SGCD: variants seen among roughly 807,000 people sequenced by gnomAD.
SGCD encodes delta-sarcoglycan.
A neutral mutation model predicts 36.6 loss-of-function variants in SGCD; 18 were observed. The ratio of observed to expected loss-of-function variants is 0.49; its 90% confidence interval spans 0.34 to 0.73. SGCD has a LOEUF of 0.73. SGCD is among the 30% of genes least tolerant of loss of function. The pLI is 0.01. For synonymous variants in SGCD, 133 were observed against 130.6 expected (o/e 1.02, Z -0.12); for missense variants, 387 against 346.7 (o/e 1.12, Z -0.92).
intron 4 of SGCD, among the ~76,000 whole-genome samples, chr5:156,580,982 C>T (rs968291694): frequency 6.6e-6 from 1 of 152,148 alleles, no homozygotes; most frequent in South Asian, 2.1e-4. Context: ...AGAAGAGGTG[C>T]TCTGATTTTT....
intron 3 of SGCD, among the ~76,000 whole-genome samples, chr5:156,293,131 G>A (rs10054153): frequency 0.094 from 14,217 of 151,732 alleles, 1,962 homozygotes; most frequent in African/African-American, 0.3. Context: ...TATTCAGAAG[G>A]CATGATGATC....
At chr5:156,568,934 A>G (rs1282329878) in intron 4 of SGCD, among the ~76,000 whole-genome samples, 2 of 152,230 alleles carry the variant, frequency 1.3e-5, no homozygotes, top group Non-Finnish European at 2.9e-5. Flanking sequence ...AATCATTATT[A>G]TGTATGTACA....
At chr5:155,871,030 T>A (rs886305243) in intron 1 of SGCD, among the ~76,000 whole-genome samples, 2 of 152,144 alleles carry the variant, frequency 1.3e-5, no homozygotes, top group South Asian at 4.1e-4. Context: ...GTGTATCATA[T>A]GATTGATTTC....
chr5:156,241,236 G>A (rs1022434842), intron 3 of SGCD, among the ~76,000 whole-genome samples: 4 of 147,960 alleles, frequency 2.7e-5, no homozygotes, highest in Non-Finnish European at 5.9e-5. Context: ...ACTGGCCTTG[G>A]AAATTAGACC....
intron 7 of SGCD, among the ~76,000 whole-genome samples, chr5:156,654,652 A>G (rs1763604271): frequency 6.6e-6 from 1 of 152,156 alleles, no homozygotes; most frequent in Non-Finnish European, 1.5e-5. Flanking sequence ...TAATATCCCT[A>G]TGTGGCCTTG....
the SGCD span, among the ~76,000 whole-genome samples, chr5:155,850,772 T>C: frequency 6.6e-6 from 1 of 152,180 alleles, no homozygotes; most frequent in Non-Finnish European, 1.5e-5. Flanking sequence ...TTCTCTTTCT[T>C]TTCACAAAGA....
intron 3 of SGCD, among the ~76,000 whole-genome samples, chr5:156,307,881 T>A (rs924096572): frequency 2.8e-4 from 43 of 151,700 alleles, no homozygotes; most frequent in African/African-American, 1.0e-3. Context: ...ACTGATAATC[T>A]TTTAATGCGT....
At chr5:155,889,814 C>T (rs1172932479) in intron 1 of SGCD, among the ~76,000 whole-genome samples, 2 of 152,136 alleles carry the variant, frequency 1.3e-5, no homozygotes, top group East Asian at 3.9e-4. Context: ...GTGACTGTGC[C>T]GCATCTCATG....
intron 1 of SGCD, among the ~76,000 whole-genome samples, chr5:156,047,919 C>G (rs935699057): frequency 2.0e-5 from 3 of 151,906 alleles, no homozygotes; most frequent in Non-Finnish European, 4.4e-5. Flanking sequence ...GTGTGCTGCA[C>G]CATTAACTCG....
intron 1 of SGCD, among the ~76,000 whole-genome samples, chr5:156,110,540 G>A (rs373627110): frequency 2.6e-5 from 4 of 151,166 alleles, no homozygotes; most frequent in African/African-American, 7.3e-5. Context: ...GGGTTCTCGG[G>A]GACTGTATAG....
intron 4 of SGCD, among the ~76,000 whole-genome samples, chr5:156,567,186 A>T (rs1179195351): frequency 2.0e-5 from 3 of 152,082 alleles, no homozygotes; most frequent in African/African-American, 7.2e-5. Flanking sequence ...ATATGAAATA[A>T]TTCTTTAGTA....
chr5:156,528,535 A>G (rs1330761570), intron 4 of SGCD, among the ~76,000 whole-genome samples: 2 of 152,178 alleles, frequency 1.3e-5, no homozygotes, highest in African/African-American at 4.8e-5. Flanking sequence ...TTGGAGAGAC[A>G]AACATCTCTT....
chr5:155,855,513 G>A, the SGCD span, among the ~76,000 whole-genome samples: 1 of 152,046 alleles, frequency 6.6e-6, no homozygotes, highest in African/African-American at 2.4e-5. Flanking sequence ...AAACTAAGCT[G>A]GTTATTTTTC....
Position 156,444,109 on chromosome 5 carries a change from TCTCTCTCC to T in SGCD, c.193-64490_193-64483del, listed in dbSNP as rs1344614962. 6.2e-4 allele frequency among the ~76,000 whole-genome samples: 60 copies of T among 96,984 alleles called. 1 individual carries two copies. The highest frequency in any genetic ancestry group is 3.3e-3 in the African/African-American group (55 of 16,646). 63.6% of individuals were successfully genotyped at this position (96,984 alleles called of 152,430 possible). Reference sequence around the variant, plus strand: ...CTCTCTCTCTCTCTCTCTCTCTCTCTCTCTCTCCCCTTCCCTCTCTCTCTCTCTCCTTC... The same window carrying T: ...CTCTCTCTCTCTCTCTCTCTCTCTCTCCTTCCCTCTCTCTCTCTCTCCTTC... On this transcript the variant is annotated intron_variant, in intron 3 of 8. Transcript: ENST00000337851.
At chr5:156,756,799 A>T (rs918489160) in intron 7 of SGCD, among the ~76,000 whole-genome samples, 1 of 152,046 alleles carries the variant, frequency 6.6e-6, no homozygotes. Flanking sequence ...CACACAAAAC[A>T]TGTTTTCCTT....
In SGCD at chr5:156,764,023, T is replaced by A. The variant is rs1757542755; in HGVS notation, c.*4633T>A. 6.6e-6 allele frequency: 1 copy of A among 152,150 alleles called. No individual in the cohort carries two copies. The highest frequency in any genetic ancestry group is 1.5e-5 in the Non-Finnish European group (1 of 68,022). 9.4% of individuals were successfully genotyped at this position (152,150 alleles called of 1,614,324 possible). On this transcript the variant is annotated 3_prime_UTR_variant, in exon 9 of 9. Coordinates refer to ENST00000337851, the MANE Select transcript of SGCD (RefSeq NM_000337.6). ...GCTCTATGAAAGGTCAAAAATTTCA[T>A]TAAACAAGACCAGTTCTCCCTCTTC... is the stretch of plus-strand genomic sequence containing the variant.
intron 3 of SGCD, among the ~76,000 whole-genome samples, chr5:156,387,402 G>A (rs1419292956): frequency 6.6e-6 from 1 of 152,274 alleles, no homozygotes; most frequent in South Asian, 2.1e-4. Context: ...ATAATTGGGA[G>A]GGGGGTGCCT....
At chr5:156,754,972 G>C (rs1757282728) in intron 7 of SGCD, among the ~76,000 whole-genome samples, 1 of 152,200 alleles carries the variant, frequency 6.6e-6, no homozygotes, top group African/African-American at 2.4e-5. Context: ...ATATATTTTT[G>C]TGTGAAGTTC....
At chr5:155,832,793 A>T in the SGCD span, among the ~76,000 whole-genome samples, 1 of 151,702 alleles carries the variant, frequency 6.6e-6, no homozygotes, top group Non-Finnish European at 1.5e-5. Flanking sequence ...TAATATTTTG[A>T]ATAGCATTTT....
Sources: gnomAD v4.1 joint callset for allele counts (sites outside exome capture counted in the v4.1 genomes callset) on GRCh38, gnomAD v4.1.1 for gene constraint, MANE v1.5 for transcripts, NCBI Gene and HGNC (gene_info 2026-07-23, HGNC 2026-07-21) for gene names.